Variants in GRID2 observed in about 807,000 individuals in gnomAD.
The protein encoded by GRID2 is glutamate ionotropic receptor delta type subunit 2, also known as glutamate receptor ionotropic, delta-2.
GRID2 carries 33 observed loss-of-function variants against 114.8 expected under a neutral mutation model. The ratio of observed to expected loss-of-function variants is 0.29; its 90% CI spans 0.22 to 0.38. The LOEUF (loss-of-function observed/expected upper bound fraction) is 0.38, where lower values mean the gene tolerates loss of function less well. GRID2 is among the 10% of genes least tolerant of loss of function. The pLI, the probability that GRID2 is intolerant of heterozygous loss-of-function variation, is 1.00. For missense variants in GRID2, 1,184 were observed against 1,257.7 expected (o/e 0.94, Z 0.89); for synonymous variants, 505 against 449.9 (o/e 1.12, Z -1.55).
intron 9 of GRID2, among the ~76,000 whole-genome samples, chr4:93,405,802 C>T (rs1177595263): frequency 6.6e-6 from 1 of 152,096 alleles, no homozygotes; most frequent in Admixed American, 6.6e-5. Flanking sequence ...GTAGTTTCAA[C>T]ATAATCACAA....
At chr4:93,165,633 G>T (rs1738176263) in intron 4 of GRID2, among the ~76,000 whole-genome samples, 1 of 152,094 alleles carries the variant, frequency 6.6e-6, no homozygotes, top group Non-Finnish European at 1.5e-5. Context: ...CATGAAGCAT[G>T]ATGTTTTAGT....
intron 8 of GRID2, among the ~76,000 whole-genome samples, chr4:93,268,572 A>G (rs751802959): frequency 3.9e-5 from 6 of 152,192 alleles, no homozygotes; most frequent in African/African-American, 1.2e-4. Flanking sequence ...GCCTCCCACA[A>G]TGATTTTCAT....
intron 8 of GRID2, among the ~76,000 whole-genome samples, chr4:93,374,862 A>G (rs1296495834): frequency 1.3e-5 from 2 of 152,184 alleles, no homozygotes; most frequent in Non-Finnish European, 2.9e-5. Context: ...ATTTTCCAGT[A>G]AATTTTACTA....
chr4:92,467,727 A>G (rs1193884483), intron 1 of GRID2, among the ~76,000 whole-genome samples: 1 of 151,988 alleles, frequency 6.6e-6, no homozygotes, highest in East Asian at 1.9e-4. Flanking sequence ...GAACACTCAA[A>G]TTAATGTGTA....
chr4:92,618,361 G>T (rs1411558423), intron 2 of GRID2, among the ~76,000 whole-genome samples: 2 of 151,522 alleles, frequency 1.3e-5, no homozygotes, highest in East Asian at 3.9e-4. Flanking sequence ...CTGTTTAATT[G>T]GTCTATATTT....
chr4:93,614,462 A>G (rs965500510), intron 13 of GRID2, among the ~76,000 whole-genome samples: 2 of 152,228 alleles, frequency 1.3e-5, no homozygotes, highest in Non-Finnish European at 2.9e-5. Context: ...CAAATGCATC[A>G]GATCAAAACC....
chr4:93,024,235 G>C (rs960874239), intron 2 of GRID2, among the ~76,000 whole-genome samples: 2 of 151,534 alleles, frequency 1.3e-5, no homozygotes, highest in African/African-American at 4.8e-5. Context: ...ATGCAAACAG[G>C]TTCCAATCAA....
chr4:92,865,168 C>T (rs1320437460), intron 2 of GRID2, among the ~76,000 whole-genome samples: 3 of 152,176 alleles, frequency 2.0e-5, no homozygotes, highest in Non-Finnish European at 1.5e-5. Flanking sequence ...ATTATTTCTA[C>T]AGAACCCTAG....
intron 1 of GRID2, among the ~76,000 whole-genome samples, chr4:92,518,280 T>C (rs1724603441): frequency 6.6e-6 from 1 of 151,898 alleles, no homozygotes; most frequent in Admixed American, 6.6e-5. Flanking sequence ...TTATTGCTAC[T>C]ATAAATTAAA....
chr4:92,489,139 C>A (rs933778717), intron 1 of GRID2, among the ~76,000 whole-genome samples: 1 of 152,082 alleles, frequency 6.6e-6, no homozygotes, highest in Non-Finnish European at 1.5e-5. Flanking sequence ...AATATGGTTG[C>A]CCCTTCTACT....
At chr4:92,552,382 G>A (rs1401925247) in intron 1 of GRID2, among the ~76,000 whole-genome samples, 1 of 152,144 alleles carries the variant, frequency 6.6e-6, no homozygotes, top group African/African-American at 2.4e-5. Flanking sequence ...CAGATACTTT[G>A]TGACATTTGA....
chr4:93,693,495 T>C (rs1319712880), intron 14 of GRID2, among the ~76,000 whole-genome samples: 1 of 152,216 alleles, frequency 6.6e-6, no homozygotes, highest in Non-Finnish European at 1.5e-5. Flanking sequence ...TAAAGTGTGT[T>C]TGACATCAGA....
intron 2 of GRID2, among the ~76,000 whole-genome samples, chr4:93,075,883 CTT>C (rs10706922): frequency 1.8e-4 from 14 of 76,600 alleles, no homozygotes; most frequent in South Asian, 8.7e-4. Context: ...AGTTACCTCT[CTT>C]TTTTTTTTTT....
chr4:93,292,938 T>A (rs1168438780), intron 8 of GRID2, among the ~76,000 whole-genome samples: 1 of 152,218 alleles, frequency 6.6e-6, no homozygotes, highest in East Asian at 1.9e-4. Context: ...GCCCCGGAGA[T>A]GTCCATATGC....
intron 1 of GRID2, among the ~76,000 whole-genome samples, chr4:93,792,488 T>C (rs971316315): frequency 6.6e-6 from 1 of 152,158 alleles, no homozygotes; most frequent in African/African-American, 2.4e-5. Flanking sequence ...AATTATGAAT[T>C]GACCATTTTC....
chr4:93,758,445 C>T (rs186123569), intron 14 of GRID2, among the ~76,000 whole-genome samples: 45 of 152,186 alleles, frequency 3.0e-4, no homozygotes, highest in African/African-American at 7.5e-4. Context: ...ATAATTCTCC[C>T]GCTATTAAAG....
chr4:93,683,734 T>TA (rs1725816064), intron 14 of GRID2, among the ~76,000 whole-genome samples: 1 of 152,136 alleles, frequency 6.6e-6, no homozygotes, highest in Non-Finnish European at 1.5e-5. Context: ...TATGAATTTT[T>TA]GTGTAGGGAA....
intron 1 of GRID2, among the ~76,000 whole-genome samples, chr4:92,563,266 G>T (rs568925622): frequency 6.6e-6 from 1 of 152,224 alleles, no homozygotes; most frequent in Non-Finnish European, 1.5e-5. Context: ...GCTAAGGAAT[G>T]GAATGAGTTC....
chr4:92,459,416 C>G (rs140135803), intron 1 of GRID2, among the ~76,000 whole-genome samples: 1 of 152,206 alleles, frequency 6.6e-6, no homozygotes, highest in African/African-American at 2.4e-5. Flanking sequence ...CCATCCATAA[C>G]CACTTTGTTT....
Sources: allele counts gnomAD v4.1 joint callset (sites outside exome capture counted in the v4.1 genomes callset), GRCh38; gene constraint gnomAD v4.1.1; transcripts MANE v1.5; gene names NCBI Gene and HGNC (gene_info 2026-07-23, HGNC 2026-07-21).